The following PCDH11Y variants were observed in gnomAD, a reference collection of about 807,000 sequenced individuals.
PCDH11Y encodes protocadherin-11 Y-linked.
For missense variants in PCDH11Y, 12 were observed against 224.8 expected, an observed-to-expected ratio of 0.05 and a Z score of 6.05; for synonymous variants, 9 against 83.6, an observed-to-expected ratio of 0.11 and a Z score of 4.87.
At chrY:5,205,340 A>G in intron 2 of PCDH11Y, among the ~76,000 whole-genome samples, 1 of 30,667 alleles carries the variant, frequency 3.3e-5, no homozygotes, top group African/African-American at 1.3e-4. Context: ...TCAAATTATA[A>G]AACTGTATTA....
At chrY:5,407,630 T>G in intron 2 of PCDH11Y, among the ~76,000 whole-genome samples, 2 of 32,946 alleles carry the variant, frequency 6.1e-5, no homozygotes, top group Non-Finnish European at 1.5e-4. Context: ...ACTAAAGCTG[T>G]GGGCCAGGCA....
chrY:5,404,840 G>A (rs374796519), intron 2 of PCDH11Y, among the ~76,000 whole-genome samples: 4 of 33,771 alleles, frequency 1.2e-4, no homozygotes, highest in African/African-American at 4.6e-4. Context: ...GGAAAATCAA[G>A]TGTTTGAAGA....
intron 3 of PCDH11Y, among the ~76,000 whole-genome samples, chrY:5,528,248 T>A (rs2053389861): frequency 3.0e-5 from 1 of 33,057 alleles, no homozygotes; most frequent in South Asian, 6.7e-4. Flanking sequence ...CATACTTTTT[T>A]AAACTTTCCT....
At chrY:5,122,431 C>G in intron 2 of PCDH11Y, among the ~76,000 whole-genome samples, 2 of 32,679 alleles carry the variant, frequency 6.1e-5, no homozygotes, top group African/African-American at 1.2e-4. Context: ...GTTAAGACCT[C>G]TAGGCCAGCA....
chrY:5,190,142 C>G (rs1602883150), intron 2 of PCDH11Y, among the ~76,000 whole-genome samples: 1 of 32,669 alleles, frequency 3.1e-5, no homozygotes, highest in Non-Finnish European at 7.5e-5. Flanking sequence ...GTGCAATTCC[C>G]AGCTCTGGCT....
intron 2 of PCDH11Y, among the ~76,000 whole-genome samples, chrY:5,240,979 T>C: frequency 1.1e-4 from 3 of 28,314 alleles, no homozygotes; most frequent in Non-Finnish European, 2.4e-4. Flanking sequence ...CTGCTTCATC[T>C]ACACTGAAAA....
intron 2 of PCDH11Y, among the ~76,000 whole-genome samples, chrY:5,292,945 G>A: frequency 3.1e-5 from 1 of 32,010 alleles, no homozygotes; most frequent in Non-Finnish European, 7.6e-5. Flanking sequence ...TTGGTATATT[G>A]TGTTTCCATT....
chrY:5,573,657 G>A, intron 3 of PCDH11Y: 1 of 244,443 alleles, frequency 4.1e-6, no homozygotes, highest in African/African-American at 7.7e-5. Flanking sequence ...GACACAGCTG[G>A]CGATGCGCCA....
intron 2 of PCDH11Y, among the ~76,000 whole-genome samples, chrY:5,148,652 G>A (rs2052860611): frequency 3.0e-5 from 1 of 32,942 alleles, no homozygotes; most frequent in Non-Finnish European, 7.5e-5. Flanking sequence ...TGTAAAAAAT[G>A]TACTTAATAC....
At chrY:5,272,580 C>G in intron 2 of PCDH11Y, among the ~76,000 whole-genome samples, 2 of 32,725 alleles carry the variant, frequency 6.1e-5, no homozygotes, top group Non-Finnish European at 1.5e-4. Flanking sequence ...ATAATACTTG[C>G]TGATGACTTT....
intron 2 of PCDH11Y, among the ~76,000 whole-genome samples, chrY:5,436,616 G>A (rs2124681251): frequency 9.1e-5 from 3 of 33,047 alleles, no homozygotes; most frequent in Admixed American, 2.8e-4. Context: ...ATGGGGACTC[G>A]GGTATAGTCT....
Position 5,321,963 on chromosome Y carries a change from G to GA in PCDH11Y, c.3130-179078dup, listed in dbSNP as rs2053113286. Among the ~76,000 whole-genome samples, 62 of 17,354 alleles carry GA rather than the reference G, an allele frequency of 3.6e-3. No individual in the cohort carries two copies. In the East Asian group the frequency reaches 0.055, roughly 15 times the overall value. 46.6% of individuals were successfully genotyped at this position (17,354 alleles called of 37,273 possible). On this transcript the variant is annotated intron_variant, in intron 2 of 4. Transcript: ENST00000400457. ...GGAAACAGACTGAGCCCTTGTCTCAGAAAAAAAAAAAAAAAATTGAAAAAG... is the reference window on the plus strand; with the variant it reads ...GGAAACAGACTGAGCCCTTGTCTCAGAAAAAAAAAAAAAAAAATTGAAAAAG...
intron 2 of PCDH11Y, among the ~76,000 whole-genome samples, chrY:5,456,056 A>G (rs1602928290): frequency 4.4e-4 from 15 of 33,879 alleles, no homozygotes; most frequent in African/African-American, 1.7e-3. Context: ...ATTCACAAAC[A>G]CAAATCCAAC....
intron 2 of PCDH11Y, among the ~76,000 whole-genome samples, chrY:5,156,476 A>G: frequency 4.1e-5 from 1 of 24,488 alleles, no homozygotes; most frequent in Non-Finnish European, 9.3e-5. Flanking sequence ...TGAATGAAAA[A>G]TTTATCTTTT....
intron 2 of PCDH11Y, among the ~76,000 whole-genome samples, chrY:5,202,581 T>C (rs2052927877): frequency 3.0e-5 from 1 of 33,169 alleles, no homozygotes; most frequent in Non-Finnish European, 7.4e-5. Flanking sequence ...CTTATTCACT[T>C]CTCTATTGCA....
intron 2 of PCDH11Y, among the ~76,000 whole-genome samples, chrY:5,335,738 TA>T (rs776144601): frequency 5.2e-4 from 5 of 9,586 alleles, no homozygotes; most frequent in Non-Finnish European, 9.0e-4. Flanking sequence ...CACCTAACGC[TA>T]AAAAAAAAAA....
At chrY:5,464,260 T>C in intron 2 of PCDH11Y, among the ~76,000 whole-genome samples, 1 of 31,976 alleles carries the variant, frequency 3.1e-5, no homozygotes, top group Non-Finnish European at 7.6e-5. Context: ...TTTCCTTAAA[T>C]TGGACCTCAC....
chrY:5,599,689 A>C, intron 4 of PCDH11Y, among the ~76,000 whole-genome samples: 1 of 33,617 alleles, frequency 3.0e-5, no homozygotes, highest in Non-Finnish European at 7.4e-5. Context: ...TTTTTAGAAT[A>C]AAATGTACTA....
At chrY:5,429,961 C>A in intron 2 of PCDH11Y, among the ~76,000 whole-genome samples, 1 of 33,059 alleles carries the variant, frequency 3.0e-5, no homozygotes, top group Non-Finnish European at 7.4e-5. Context: ...TGAGCCACCA[C>A]CCCTGGCCTG....
Sources: allele counts gnomAD v4.1 joint callset (sites outside exome capture counted in the v4.1 genomes callset), GRCh38; gene constraint gnomAD v4.1.1; transcripts MANE v1.5; gene names NCBI Gene and HGNC (gene_info 2026-07-23, HGNC 2026-07-21).